DCK: variants seen among roughly 807,000 people sequenced by gnomAD.
The protein encoded by DCK is deoxycytidine kinase.
Under a neutral mutation model 38.3 loss-of-function variants are expected in DCK, and 23 were observed. The observed-to-expected ratio is 0.60, with a 90% CI of 0.43 to 0.85. The LOEUF is 0.85. Ranked by LOEUF, DCK falls within the 40% of genes least tolerant of loss-of-function variation. The probability of loss-of-function intolerance (pLI) is 0.00; values close to 1 mark genes in which losing one functional copy is unlikely to be tolerated. For synonymous variants in DCK, 108 were observed against 100.6 expected (o/e 1.07, Z -0.44); for missense variants, 259 against 304.4 (o/e 0.85, Z 1.11).
At position 71,000,096 on chromosome 4, in the gene DCK, T is replaced by C. The variant is rs112545044; in HGVS notation, c.207+1914T>C. On this transcript the variant is annotated intron_variant, in intron 2 of 6. Transcript: ENST00000286648. ...GGTGTTTTAGTCATGAAGTCTTTGCTCATGCCTATGTCCTGAATGGTATTG... is the reference window on the plus strand; with the variant it reads ...GGTGTTTTAGTCATGAAGTCTTTGCCCATGCCTATGTCCTGAATGGTATTG... Among the ~76,000 whole-genome samples, 1,509 of 152,270 alleles carry C rather than the reference T, an allele frequency of 9.9e-3. 38 individuals are homozygous for C. Among genetic ancestry groups the C allele is most frequent in the African/African-American group, 0.035 (1,448 of 41,546 alleles).
At position 71,030,428 on chromosome 4, in the gene DCK, A is replaced by C. The variant is rs1051698561; in HGVS notation, c.*1050A>C. On this transcript the variant is annotated 3_prime_UTR_variant, in exon 7 of 7. Coordinates refer to ENST00000286648, the MANE Select transcript of DCK (RefSeq NM_000788.3). ...GAGTCATTTTCACTTTTAAACTACT[A>C]TTTTTCTTTCCAAGTCATTTTTGTT... 1 of 152,008 alleles carries C rather than the reference A, an allele frequency of 6.6e-6. No individual in the cohort carries two copies. The highest frequency in any genetic ancestry group is 2.4e-5 in the African/African-American group (1 of 41,424). 9.4% of individuals were successfully genotyped at this position (152,008 alleles called of 1,614,324 possible).
In DCK at chr4:70,993,794, C is replaced by T. The variant is rs371808298; in HGVS notation, c.-42C>T. 38 of 1,462,152 alleles carry T rather than the reference C, an allele frequency of 2.6e-5. No individual in the cohort carries two copies. Among genetic ancestry groups the T allele is most frequent in the African/African-American group, 4.2e-5 (3 of 71,834 alleles). 90.6% of individuals were successfully genotyped at this position (1,462,152 alleles called of 1,614,324 possible). On this transcript the variant is annotated 5_prime_UTR_variant, in exon 1 of 7. Coordinates refer to ENST00000286648, the MANE Select transcript of DCK (RefSeq NM_000788.3). ...CGCGCACCCGTGGCCGCCTCCCAGC[C>T]CTCTTTGCCGGACGAGCTCTGGGCC...
chr4:71,026,900 A>G, intron 6 of DCK, 145 bp downstream of exon 6: 1 of 495,356 alleles, frequency 2.0e-6, no homozygotes, highest in Non-Finnish European at 3.6e-6. Flanking sequence ...GGACTGTTTA[A>G]GATTCCAGTC....
chr4:71,024,012 G>A (rs1001726394), intron 4 of DCK, among the ~76,000 whole-genome samples: 3 of 152,142 alleles, frequency 2.0e-5, no homozygotes, highest in African/African-American at 7.2e-5. Flanking sequence ...AGTAATGAAT[G>A]TGGTCAAGCA....
chr4:71,021,722 T>G (rs1740427542), intron 2 of DCK, among the ~76,000 whole-genome samples: 1 of 152,104 alleles, frequency 6.6e-6, no homozygotes, highest in Admixed American at 6.6e-5. Flanking sequence ...ACTGCTTGGT[T>G]TTTTCATTTT....
intron 2 of DCK, among the ~76,000 whole-genome samples, chr4:71,002,127 T>G (rs1353316258): frequency 7.2e-5 from 11 of 152,362 alleles, no homozygotes. Context: ...AATTTCCCTC[T>G]AAACACTACT....
chr4:71,007,990 G>A (rs1560682076), intron 2 of DCK, among the ~76,000 whole-genome samples: 1 of 152,202 alleles, frequency 6.6e-6, no homozygotes, highest in Non-Finnish European at 1.5e-5. Flanking sequence ...GCCTCCCAGA[G>A]TGTTGGGATT....
chr4:71,018,195 C>G (rs989739503), intron 2 of DCK, among the ~76,000 whole-genome samples: 28 of 143,040 alleles, frequency 2.0e-4, no homozygotes, highest in African/African-American at 6.1e-4. Flanking sequence ...GGCGCCATCT[C>G]AACTTGCTGC....
In DCK at chr4:71,026,764, A is replaced by G; in HGVS notation, c.756+9A>G. 2 of 1,300,464 alleles carry G rather than the reference A, an allele frequency of 1.5e-6. No homozygotes were observed. The highest frequency in any genetic ancestry group is 2.2e-6 in the Non-Finnish European group (2 of 907,680). The allele number at this position is 1,300,464 out of a possible 1,614,324, so 80.6% of individuals were successfully genotyped here. ...AAAGTCTGGTTGAAAAGGTAGATTT[A>G]GACAGACTACAAACAAATATTTGTT... On this transcript the variant is annotated intron_variant, in intron 6 of 6. Transcript: ENST00000286648.
At chr4:71,016,086 T>C (rs925369637) in intron 2 of DCK, among the ~76,000 whole-genome samples, 2 of 152,094 alleles carry the variant, frequency 1.3e-5, no homozygotes, top group African/African-American at 4.8e-5. Context: ...TCAGCAAAGT[T>C]TCAGGATACA....
intron 2 of DCK, among the ~76,000 whole-genome samples, chr4:71,011,490 G>A (rs557169327): frequency 6.6e-6 from 1 of 152,150 alleles, no homozygotes; most frequent in South Asian, 2.1e-4. Context: ...CTCAGTAGCT[G>A]GGACTACAGG....
chr4:71,012,062 A>T (rs1476884178), intron 2 of DCK, among the ~76,000 whole-genome samples: 1 of 152,232 alleles, frequency 6.6e-6, no homozygotes, highest in Non-Finnish European at 1.5e-5. Flanking sequence ...AAAAGAGGGG[A>T]CTAAAACTTA....
intron 2 of DCK, among the ~76,000 whole-genome samples, chr4:71,000,984 T>G (rs893319511): frequency 2.0e-5 from 3 of 152,188 alleles, no homozygotes; most frequent in African/African-American, 7.2e-5. Context: ...ACTTCCCCTC[T>G]TCCTATCTGA....
intron 2 of DCK, among the ~76,000 whole-genome samples, chr4:71,020,342 A>G (rs1360259283): frequency 6.6e-6 from 1 of 152,186 alleles, no homozygotes; most frequent in African/African-American, 2.4e-5. Context: ...TCTTTACATC[A>G]AGAAGATGTG....
At chr4:71,001,071 G>C (rs1739790033) in intron 2 of DCK, among the ~76,000 whole-genome samples, 1 of 152,164 alleles carries the variant, frequency 6.6e-6, no homozygotes, top group African/African-American at 2.4e-5. Context: ...AGAGGTGAGA[G>C]AGGGCATCCT....
At chr4:70,997,348 T>C (rs1354547960) in intron 1 of DCK, among the ~76,000 whole-genome samples, 3 of 152,210 alleles carry the variant, frequency 2.0e-5, no homozygotes, top group Admixed American at 2.0e-4. Context: ...TACTAAATTT[T>C]GGTGGCCAGT....
In DCK at chr4:71,006,114, A is replaced by AAC. The variant is rs1553942284; in HGVS notation, c.207+7932_207+7933insAC. 7.7e-3 allele frequency among the ~76,000 whole-genome samples: 973 copies of AAC among 125,616 alleles called. 19 individuals carry two copies. The highest frequency in any genetic ancestry group is 0.027 in the African/African-American group (898 of 33,828). 82.4% of individuals were successfully genotyped at this position (125,616 alleles called of 152,430 possible). On this transcript the variant is annotated intron_variant, in intron 2 of 6. Transcript: ENST00000286648. ...GCACTCCATCTCAAAAAAAAAAAAA[A>AAC]CAGAAAAAACAAAAACACCAAAAAA...
intron 2 of DCK, among the ~76,000 whole-genome samples, chr4:71,005,919 A>G (rs1214407643): frequency 4.6e-5 from 7 of 151,620 alleles, no homozygotes; most frequent in Non-Finnish European, 8.8e-5. Flanking sequence ...TGAGGTCAGG[A>G]GTTCGAGACC....
At position 70,993,790 on chromosome 4, in the gene DCK, C is replaced by T. The variant is rs1739594123; in HGVS notation, c.-46C>T. 1 of 1,442,554 alleles carries T rather than the reference C, an allele frequency of 6.9e-7. No individual in the cohort carries two copies. The highest frequency in any genetic ancestry group is 1.4e-5 in the African/African-American group (1 of 71,604). 89.4% of individuals were successfully genotyped at this position (1,442,554 alleles called of 1,614,324 possible). A position where few individuals can be genotyped will look rare whatever the true frequency, so the allele number is the denominator to read the frequency against. On this transcript the variant is annotated 5_prime_UTR_variant, in exon 1 of 7. Transcript: ENST00000286648. ...AGTGCGCGCACCCGTGGCCGCCTCC[C>T]AGCCCTCTTTGCCGGACGAGCTCTG...
Sources: allele counts gnomAD v4.1 joint callset (sites outside exome capture counted in the v4.1 genomes callset), GRCh38; gene constraint gnomAD v4.1.1; transcripts MANE v1.5; gene names NCBI Gene and HGNC (gene_info 2026-07-23, HGNC 2026-07-21).